SLC35F3: variants seen among roughly 807,000 people sequenced by gnomAD.
SLC35F3 encodes solute carrier family 35 member F3.
Under a neutral mutation model 49.9 loss-of-function variants are expected in SLC35F3, and 25 were observed. The ratio of observed to expected loss-of-function variants is 0.50; its 90% CI spans 0.37 to 0.70. SLC35F3 has a LOEUF of 0.70. Ranked by LOEUF, SLC35F3 falls within the 30% of genes least tolerant of loss-of-function variation. The pLI, the probability that SLC35F3 is intolerant of heterozygous loss-of-function variation, is 0.00. For synonymous variants in SLC35F3, 275 were observed against 265.4 expected (o/e 1.04, Z -0.35); for missense variants, 525 against 639.8 (o/e 0.82, Z 1.94).
chr1:234,302,241 T>C (rs1668704587), intron 3 of SLC35F3, among the ~76,000 whole-genome samples: 1 of 151,766 alleles, frequency 6.6e-6, no homozygotes, highest in Admixed American at 6.6e-5. Context: ...CTAGAGGATG[T>C]GGAGAGGTCA....
chr1:234,158,445 T>G (rs1026180758), intron 2 of SLC35F3, among the ~76,000 whole-genome samples: 3 of 119,776 alleles, frequency 2.5e-5, no homozygotes, highest in African/African-American at 2.5e-4. Flanking sequence ...TAATACTTTA[T>G]TATTTCTTCA....
chr1:233,915,691 A>G (rs1169573741), intron 2 of SLC35F3, among the ~76,000 whole-genome samples: 4 of 152,316 alleles, frequency 2.6e-5, no homozygotes, highest in Middle Eastern at 6.8e-3. Flanking sequence ...TTGGACTTAC[A>G]GTTCCACGTG....
chr1:233,948,448 C>T (rs1662552237), intron 2 of SLC35F3, among the ~76,000 whole-genome samples: 1 of 151,790 alleles, frequency 6.6e-6, no homozygotes, highest in African/African-American at 2.4e-5. Flanking sequence ...GCGAAGGGTT[C>T]AAGTGGGTAC....
At chr1:233,931,173 CTG>C (rs1422091525) in intron 2 of SLC35F3, among the ~76,000 whole-genome samples, 2 of 152,186 alleles carry the variant, frequency 1.3e-5, no homozygotes, top group African/African-American at 4.8e-5. Flanking sequence ...AGACCTAAAA[CTG>C]TAAAAATCCT....
intron 2 of SLC35F3, among the ~76,000 whole-genome samples, chr1:233,975,006 GGGC>G (rs1663058582): frequency 6.6e-6 from 1 of 152,206 alleles, no homozygotes; most frequent in Admixed American, 6.5e-5. Context: ...GGACACCCCT[GGGC>G]ATGGAAGGTG....
rs186045633 is a variant in SLC35F3, at chr1:234,045,275, A to G, written c.283+139517A>G. On this transcript the variant is annotated intron_variant, in intron 2 of 7. Coordinates refer to ENST00000366618, the MANE Select transcript of SLC35F3 (RefSeq NM_173508.4). The stretch of plus-strand genomic sequence containing the variant: ...ATATTTTTATAATGAAGTTTTCACA[A>G]ATAGAATCAGATTGTATTTACCATG... Among the ~76,000 whole-genome samples the G allele has an allele frequency of 1.4e-3, 206 of 152,302 alleles. 1 individual carries two copies. Among genetic ancestry groups the G allele is most frequent in the African/African-American group, 4.5e-3 (186 of 41,580 alleles).
intron 3 of SLC35F3, among the ~76,000 whole-genome samples, chr1:234,248,452 T>C (rs1667681753): frequency 6.6e-6 from 1 of 151,646 alleles, no homozygotes; most frequent in South Asian, 2.1e-4. Flanking sequence ...GGCTGGTCCA[T>C]TGTTTGATGG....
rs1188771701 is a variant in SLC35F3 at position 234,164,310 on chromosome 1, C to T, written c.284-67107C>T. On this transcript the variant is annotated intron_variant, in intron 2 of 7. Coordinates refer to ENST00000366618, the MANE Select transcript of SLC35F3 (RefSeq NM_173508.4). ...TCTCTCCCTCTTTCTCTTTCCCTCT[C>T]TTTCTCTCTCCCTATCTCTCTCCGT... is the stretch of plus-strand genomic sequence containing the variant. Among the ~76,000 whole-genome samples the T allele has an allele frequency of 2.0e-5, 3 of 151,254 alleles. No individual in the cohort carries two copies. In the East Asian group the frequency reaches 5.8e-4, roughly 29 times the overall value.
chr1:234,035,199 G>A (rs1442720795), intron 2 of SLC35F3, among the ~76,000 whole-genome samples: 1 of 152,162 alleles, frequency 6.6e-6, no homozygotes, highest in Non-Finnish European at 1.5e-5. Flanking sequence ...GGGCATGGAA[G>A]TACATGTTTT....
chr1:234,316,822 C>T, intron 5 of SLC35F3, 95 bp downstream of exon 5: 7 of 1,435,146 alleles, frequency 4.9e-6, no homozygotes, highest in Non-Finnish European at 6.6e-6. Flanking sequence ...TCAACAGCTT[C>T]TGATGATACC....
intron 2 of SLC35F3, among the ~76,000 whole-genome samples, chr1:233,932,437 A>G (rs930688926): frequency 2.0e-5 from 3 of 152,234 alleles, no homozygotes; most frequent in African/African-American, 7.2e-5. Flanking sequence ...TTCAAAAACT[A>G]GCAAAACCAA....
chr1:234,205,824 C>T (rs1442225919), intron 2 of SLC35F3, among the ~76,000 whole-genome samples: 9 of 152,134 alleles, frequency 5.9e-5, no homozygotes, highest in African/African-American at 2.2e-4. Context: ...AATCCAGGGG[C>T]CTCCCCCTGC....
At chr1:234,089,712 C>T (rs1025491905) in intron 2 of SLC35F3, among the ~76,000 whole-genome samples, 2 of 152,098 alleles carry the variant, frequency 1.3e-5, no homozygotes, top group Admixed American at 6.6e-5. Flanking sequence ...TGTGCACCAG[C>T]TCACTGGGTA....
At chr1:234,085,936 G>A (rs1664953248) in intron 2 of SLC35F3, among the ~76,000 whole-genome samples, 1 of 152,194 alleles carries the variant, frequency 6.6e-6, no homozygotes, top group African/African-American at 2.4e-5. Flanking sequence ...ATAACTATTA[G>A]GTTGAACTAT....
chr1:233,951,968 T>G (rs1309801707), intron 2 of SLC35F3, among the ~76,000 whole-genome samples: 3 of 151,662 alleles, frequency 2.0e-5, no homozygotes, highest in Admixed American at 6.5e-5. Flanking sequence ...TATATGTTGG[T>G]TCTCCTTTGC....
chr1:234,048,699 G>A (rs897401007), intron 2 of SLC35F3, among the ~76,000 whole-genome samples: 13 of 151,286 alleles, frequency 8.6e-5, no homozygotes, highest in African/African-American at 3.2e-4. Flanking sequence ...CATACATTCA[G>A]GGGTGGGACC....
chr1:233,982,431 A>G (rs1663201350), intron 2 of SLC35F3, among the ~76,000 whole-genome samples: 1 of 151,776 alleles, frequency 6.6e-6, no homozygotes, highest in Non-Finnish European at 1.5e-5. Flanking sequence ...CTGGAGTGCA[A>G]TGGCATGACC....
intron 2 of SLC35F3, among the ~76,000 whole-genome samples, chr1:234,127,165 T>C (rs1329262669): frequency 6.6e-6 from 1 of 152,246 alleles, no homozygotes; most frequent in Non-Finnish European, 1.5e-5. Flanking sequence ...TTAAGGTCCT[T>C]TATGATACCT....
intron 2 of SLC35F3, among the ~76,000 whole-genome samples, chr1:234,144,097 G>A (rs1483451564): frequency 6.6e-6 from 1 of 152,166 alleles, no homozygotes; most frequent in African/African-American, 2.4e-5. Context: ...AAAGTGAGAC[G>A]GGGTGTAGCA....
Sources: gnomAD v4.1 joint callset for allele counts (sites outside exome capture counted in the v4.1 genomes callset) on GRCh38, gnomAD v4.1.1 for gene constraint, MANE v1.5 for transcripts, NCBI Gene and HGNC (gene_info 2026-07-23, HGNC 2026-07-21) for gene names.